The following ADAMTSL1 variants were observed in gnomAD, a reference collection of about 807,000 sequenced individuals.
The protein encoded by ADAMTSL1 is ADAMTS like 1.
In ADAMTSL1, 126 loss-of-function variants were observed where a neutral mutation model predicts 201.8. The ratio of observed to expected loss-of-function variants is 0.62; its 90% CI spans 0.54 to 0.72. ADAMTSL1 has a LOEUF of 0.72. ADAMTSL1 is among the 30% of genes least tolerant of loss of function. The pLI, the probability that ADAMTSL1 is intolerant of heterozygous loss-of-function variation, is 0.00. For missense variants in ADAMTSL1, 2,679 were observed against 2,277.8 expected, an observed-to-expected ratio of 1.18 and a Z score of -3.59; for synonymous variants, 1,121 against 903.4, an observed-to-expected ratio of 1.24 and a Z score of -4.32.
intron 7 of ADAMTSL1, among the ~76,000 whole-genome samples, chr9:18,652,513 T>A (rs1379497316): frequency 6.6e-6 from 1 of 152,178 alleles, no homozygotes; most frequent in African/African-American, 2.4e-5. Context: ...AACAGCAATA[T>A]GCATTCAGTA....
intron 2 of ADAMTSL1, among the ~76,000 whole-genome samples, chr9:18,340,754 C>T (rs1282965411): frequency 1.3e-5 from 2 of 152,080 alleles, no homozygotes; most frequent in African/African-American, 4.8e-5. Context: ...TGCCTGCTGC[C>T]ATGTAAGATG....
intron 2 of ADAMTSL1, among the ~76,000 whole-genome samples, chr9:18,277,682 C>A (rs558628790): frequency 3.3e-5 from 5 of 152,136 alleles, no homozygotes; most frequent in African/African-American, 1.2e-4. Flanking sequence ...TAAAGTGAGT[C>A]TCTTGTAGGC....
intron 2 of ADAMTSL1, among the ~76,000 whole-genome samples, chr9:18,202,862 A>C (rs1309585950): frequency 6.6e-6 from 1 of 151,984 alleles, no homozygotes; most frequent in East Asian, 1.9e-4. Context: ...AAGAGAAATA[A>C]ACAGATTGTC....
intron 3 of ADAMTSL1, among the ~76,000 whole-genome samples, chr9:18,543,969 T>C (rs1820323767): frequency 6.6e-6 from 1 of 152,312 alleles, no homozygotes; most frequent in Non-Finnish European, 1.5e-5. Context: ...CTCAATTTCT[T>C]ATCCTCTGCT....
intron 2 of ADAMTSL1, among the ~76,000 whole-genome samples, chr9:18,310,808 G>C (rs1201569384): frequency 3.3e-5 from 5 of 152,200 alleles, no homozygotes; most frequent in African/African-American, 1.2e-4. Flanking sequence ...ATTCCTCAAG[G>C]ATCTAGAACC....
chr9:18,161,435 T>C (rs554444402), intron 1 of ADAMTSL1, among the ~76,000 whole-genome samples: 1 of 152,216 alleles, frequency 6.6e-6, no homozygotes, highest in Non-Finnish European at 1.5e-5. Flanking sequence ...TTTTGGATAA[T>C]AGAATTCAAA....
intron 1 of ADAMTSL1, among the ~76,000 whole-genome samples, chr9:17,975,398 G>C (rs1480850707): frequency 6.6e-6 from 1 of 152,024 alleles, no homozygotes; most frequent in African/African-American, 2.4e-5. Flanking sequence ...TGTCTGGTGA[G>C]AGCTCGATCT....
chr9:18,876,096 C>A (rs940155638), intron 23 of ADAMTSL1, among the ~76,000 whole-genome samples: 2 of 151,996 alleles, frequency 1.3e-5, no homozygotes, highest in African/African-American at 4.8e-5. Context: ...CATGGAATAC[C>A]TTTTTCTACC....
intron 2 of ADAMTSL1, among the ~76,000 whole-genome samples, chr9:18,379,683 A>G (rs995496288): frequency 6.6e-6 from 1 of 152,222 alleles, no homozygotes; most frequent in African/African-American, 2.4e-5. Flanking sequence ...AAAAGGAAAA[A>G]AGAAAAACTG....
intron 1 of ADAMTSL1, among the ~76,000 whole-genome samples, chr9:18,120,998 C>A (rs1825471557): frequency 3.3e-5 from 5 of 151,828 alleles, no homozygotes; most frequent in Admixed American, 2.0e-4. Flanking sequence ...CATACCAAAG[C>A]TTTTATTTAT....
rs1339722642 is a variant in ADAMTSL1 at position 18,726,362 on chromosome 9, G to A, written c.2006+4697G>A. The stretch of plus-strand genomic sequence containing the variant: ...TATAAAAAATACAAAAATTAGCTGG[G>A]TGTGTGTTGGTTGAGGGGGGTGCCT... On this transcript the variant is annotated intron_variant, in intron 15 of 28. Transcript: ENST00000380548. 3.9e-5 allele frequency among the ~76,000 whole-genome samples: 6 copies of A among 151,926 alleles called. No individual in the cohort carries two copies. In the East Asian group the frequency reaches 1.2e-3, roughly 29 times the overall value.
intron 2 of ADAMTSL1, among the ~76,000 whole-genome samples, chr9:18,439,355 A>C (rs1819893459): frequency 6.6e-6 from 1 of 152,192 alleles, no homozygotes; most frequent in South Asian, 2.1e-4. Context: ...AGTAAATGAC[A>C]AACATCTTTA....
chr9:18,564,364 A>G (rs1245596469), intron 3 of ADAMTSL1, among the ~76,000 whole-genome samples: 2 of 152,032 alleles, frequency 1.3e-5, no homozygotes, highest in African/African-American at 4.8e-5. Flanking sequence ...AGTCCCAGTG[A>G]GATGACCGGG....
At chr9:18,658,201 C>T (rs1828840263) in intron 8 of ADAMTSL1, among the ~76,000 whole-genome samples, 1 of 152,158 alleles carries the variant, frequency 6.6e-6, no homozygotes. Context: ...GTCTCGATCT[C>T]CTGACCTCGT....
intron 1 of ADAMTSL1, among the ~76,000 whole-genome samples, chr9:17,929,183 A>G (rs1430816669): frequency 6.6e-6 from 1 of 152,156 alleles, no homozygotes; most frequent in Non-Finnish European, 1.5e-5. Flanking sequence ...CAGATTTTTG[A>G]GAAACAGAAA....
At chr9:17,907,542 C>A (rs73642967) in intron 1 of ADAMTSL1, among the ~76,000 whole-genome samples, 2,568 of 152,220 alleles carry the variant, frequency 0.017, 73 homozygotes, top group African/African-American at 0.058. Context: ...CCTGACCATA[C>A]CCCCTCCGAA....
intron 1 of ADAMTSL1, among the ~76,000 whole-genome samples, chr9:17,999,648 C>G (rs2131526362): frequency 6.6e-6 from 1 of 151,080 alleles, no homozygotes; most frequent in Non-Finnish European, 1.5e-5. Context: ...TACATGTGCC[C>G]ATTGTGCAGG....
intron 20 of ADAMTSL1, among the ~76,000 whole-genome samples, chr9:18,807,791 G>A (rs972124066): frequency 3.3e-5 from 5 of 152,014 alleles, no homozygotes; most frequent in African/African-American, 1.2e-4. Context: ...TTGGTACAGC[G>A]TGCCATGGCT....
At chr9:18,083,718 C>G (rs576298439) in intron 1 of ADAMTSL1, among the ~76,000 whole-genome samples, 1 of 152,304 alleles carries the variant, frequency 6.6e-6, no homozygotes, top group Admixed American at 6.5e-5. Flanking sequence ...ATGTGGACAA[C>G]CTCGTCCATA....
Sources: gnomAD v4.1 joint callset for allele counts (sites outside exome capture counted in the v4.1 genomes callset) on GRCh38, gnomAD v4.1.1 for gene constraint, MANE v1.5 for transcripts, NCBI Gene and HGNC (gene_info 2026-07-23, HGNC 2026-07-21) for gene names.